SUPT3H: variants seen among roughly 807,000 people sequenced by gnomAD.
SUPT3H encodes transcription initiation protein SPT3 homolog.
Under a neutral mutation model 44.3 loss-of-function variants are expected in SUPT3H, and 44 were observed. The ratio of observed to expected loss-of-function variants is 0.99; its 90% CI spans 0.78 to 1.28. The LOEUF is 1.28. Ranked by LOEUF, SUPT3H falls within the 50% of genes most tolerant of loss-of-function variation. The pLI is 0.00. For synonymous variants in SUPT3H, 124 were observed against 125.6 expected, an observed-to-expected ratio of 0.99 and a Z score of 0.09; for missense variants, 380 against 387.1, an observed-to-expected ratio of 0.98 and a Z score of 0.15.
intron 1 of SUPT3H, among the ~76,000 whole-genome samples, chr6:45,376,488 C>G (rs1489927218): frequency 1.3e-5 from 2 of 152,190 alleles, no homozygotes; most frequent in Non-Finnish European, 2.9e-5. Context: ...TATCACATTT[C>G]AAGTGCTGAA....
chr6:45,243,000 C>T (rs1364509725), intron 2 of SUPT3H, among the ~76,000 whole-genome samples: 3 of 151,920 alleles, frequency 2.0e-5, no homozygotes, highest in Non-Finnish European at 4.4e-5. Flanking sequence ...TTAGGACCAG[C>T]CTAACCAACA....
chr6:45,351,036 T>C (rs1184994321), intron 2 of SUPT3H, among the ~76,000 whole-genome samples: 1 of 152,110 alleles, frequency 6.6e-6, no homozygotes, highest in Non-Finnish European at 1.5e-5. Flanking sequence ...ATCTAATGCC[T>C]GATGATGTGA....
At position 45,003,732 on chromosome 6, in the gene SUPT3H, T is replaced by C. The variant is rs749068370; in HGVS notation, c.425A>G (p.Asn142Ser). 7.4e-6 allele frequency: 12 copies of C among 1,613,874 alleles called. No individual in the cohort carries two copies. Among genetic ancestry groups the C allele is most frequent in the East Asian group, 2.2e-5 (1 of 44,832 alleles). Residue 142 changes from asparagine (N) to serine (S), a missense_variant, in exon 6 of 11, where the codon AAC becomes AGC. By Grantham distance (46) the Asn-to-Ser change is conservative. Coordinates refer to ENST00000371459, the MANE Select transcript of SUPT3H (RefSeq NM_003599.4). ...KRQKIAQDFL[N>S]SIDQTGELLA... is the part of the protein sequence containing the mutation. ...AAGTTCTCCTGTCTGGTCAATAGAGTTGAGGAAGTCCTGAGCAATCTTTTG... is the reference window on the plus strand; with the variant it reads ...AAGTTCTCCTGTCTGGTCAATAGAGCTGAGGAAGTCCTGAGCAATCTTTTG...
At chr6:44,895,349 T>C (rs1763977826) in intron 10 of SUPT3H, among the ~76,000 whole-genome samples, 1 of 151,660 alleles carries the variant, frequency 6.6e-6, no homozygotes, top group Non-Finnish European at 1.5e-5. Flanking sequence ...CTGTTTCAGC[T>C]TCTTACTGGG....
intron 2 of SUPT3H, among the ~76,000 whole-genome samples, chr6:45,352,721 C>A (rs1792314522): frequency 6.6e-6 from 1 of 151,800 alleles, no homozygotes; most frequent in Admixed American, 6.6e-5. Context: ...GAAATAATTT[C>A]TTTAAAATAG....
intron 10 of SUPT3H, among the ~76,000 whole-genome samples, chr6:44,869,206 T>A (rs1775964089): frequency 6.6e-6 from 1 of 152,276 alleles, no homozygotes; most frequent in East Asian, 1.9e-4. Flanking sequence ...TTTGTCTTTT[T>A]TTTTTTCTTT....
chr6:45,297,590 G>A (rs546066930), intron 2 of SUPT3H, among the ~76,000 whole-genome samples: 1 of 152,286 alleles, frequency 6.6e-6, no homozygotes, highest in South Asian at 2.1e-4. Flanking sequence ...TTTTAAATCT[G>A]AGCTCATTTT....
intron 2 of SUPT3H, among the ~76,000 whole-genome samples, chr6:45,355,610 C>T (rs573133531): frequency 3.9e-5 from 6 of 151,978 alleles, no homozygotes; most frequent in African/African-American, 1.4e-4. Flanking sequence ...TATCAATTTG[C>T]CTTTTGAAAT....
At chr6:45,231,498 G>A (rs185449075) in intron 2 of SUPT3H, among the ~76,000 whole-genome samples, 4 of 152,022 alleles carry the variant, frequency 2.6e-5, no homozygotes, top group Non-Finnish European at 4.4e-5. Flanking sequence ...GTGACTAAAC[G>A]CTTTTCTCTT....
intron 2 of SUPT3H, among the ~76,000 whole-genome samples, chr6:45,201,979 C>G (rs1762519863): frequency 1.3e-5 from 2 of 151,918 alleles, no homozygotes; most frequent in South Asian, 4.1e-4. Flanking sequence ...ATATGCACGA[C>G]TAATCAACAT....
At chr6:45,204,320 G>C (rs181745853) in intron 2 of SUPT3H, among the ~76,000 whole-genome samples, 4 of 135,518 alleles carry the variant, frequency 3.0e-5, no homozygotes, top group African/African-American at 1.0e-4. Flanking sequence ...CATCTTCAGA[G>C]CCAGGTAAGA....
chr6:45,303,168 C>T (rs1782425596), intron 2 of SUPT3H, among the ~76,000 whole-genome samples: 2 of 152,032 alleles, frequency 1.3e-5, no homozygotes, highest in South Asian at 4.1e-4. Context: ...TAAAAATACT[C>T]AAAGATAACA....
intron 9 of SUPT3H, among the ~76,000 whole-genome samples, chr6:44,937,610 A>T (rs754265839): frequency 2.0e-5 from 3 of 152,162 alleles, no homozygotes; most frequent in Non-Finnish European, 2.9e-5. Flanking sequence ...TCTCTTTTTA[A>T]TAATAGCCAT....
chr6:44,830,384 A>C (rs915908275), intron 10 of SUPT3H, among the ~76,000 whole-genome samples: 1 of 152,182 alleles, frequency 6.6e-6, no homozygotes, highest in African/African-American at 2.4e-5. Context: ...CATATTGTAG[A>C]CAGTATCAAA....
intron 2 of SUPT3H, among the ~76,000 whole-genome samples, chr6:45,215,176 C>A (rs1764834818): frequency 6.6e-6 from 1 of 152,028 alleles, no homozygotes; most frequent in Non-Finnish European, 1.5e-5. Context: ...TGATAGGACA[C>A]AACTAGCAGG....
At chr6:44,965,700 C>CA (rs149438028) in intron 6 of SUPT3H, among the ~76,000 whole-genome samples, 10,330 of 149,864 alleles carry the variant, frequency 0.069, 1,144 homozygotes, top group African/African-American at 0.23. Flanking sequence ...TTCAAAGATA[C>CA]AAAAAAAAAG....
At chr6:44,887,426 C>A (rs1417961735) in intron 10 of SUPT3H, among the ~76,000 whole-genome samples, 1 of 152,164 alleles carries the variant, frequency 6.6e-6, no homozygotes, top group Non-Finnish European at 1.5e-5. Flanking sequence ...GTCTCTCAGA[C>A]CACAGTGCAA....
At chr6:45,370,219 G>T (rs1795826663) in intron 1 of SUPT3H, among the ~76,000 whole-genome samples, 1 of 152,220 alleles carries the variant, frequency 6.6e-6, no homozygotes, top group South Asian at 2.1e-4. Flanking sequence ...AACAAGCGGA[G>T]ATGATGAGAA....
intron 2 of SUPT3H, among the ~76,000 whole-genome samples, chr6:45,353,766 G>T (rs1279606383): frequency 6.6e-6 from 1 of 151,738 alleles, no homozygotes; most frequent in African/African-American, 2.4e-5. Context: ...AACTATATGA[G>T]CAATGAAAAC....
Sources: gnomAD v4.1 joint callset for allele counts (sites outside exome capture counted in the v4.1 genomes callset) on GRCh38, gnomAD v4.1.1 for gene constraint, MANE v1.5 for transcripts, NCBI Gene and HGNC (gene_info 2026-07-23, HGNC 2026-07-21) for gene names.